GNAS: variants seen among roughly 807,000 people sequenced by gnomAD.
The protein encoded by GNAS is protein ALEX.
A neutral mutation model predicts 54.5 loss-of-function variants in GNAS; 8 were observed. The observed-to-expected ratio is 0.15, with a 90% confidence interval of 0.09 to 0.26. The LOEUF (loss-of-function observed/expected upper bound fraction) is 0.26, where lower values mean the gene tolerates loss of function less well. Ranked by LOEUF, GNAS falls within the 10% of genes least tolerant of loss-of-function variation. GNAS has a pLI of 1.00. For synonymous variants in GNAS, 204 were observed against 191.4 expected (o/e 1.07, Z -0.54); for missense variants, 170 against 529.8 (o/e 0.32, Z 6.67).
At chr20:58,852,989 C>A in intron 1 of GNAS, 2 of 1,249,038 alleles carry the variant, frequency 1.6e-6, no homozygotes, top group Non-Finnish European at 2.0e-6. Flanking sequence ...TAAGGATAGA[C>A]CAAGGAAGAG....
At chr20:58,899,990 C>T in intron 3 of GNAS, 2 of 717,234 alleles carry the variant, frequency 2.8e-6, no homozygotes, top group Non-Finnish European at 5.2e-6. Flanking sequence ...TCTCATCTTC[C>T]CGGCTATGTC....
At chr20:58,865,360 G>A (rs1333402857) in intron 1 of GNAS, among the ~76,000 whole-genome samples, 1 of 151,126 alleles carries the variant, frequency 6.6e-6, no homozygotes, top group Non-Finnish European at 1.5e-5. Context: ...AGAGGTTGCA[G>A]TGAGCCAAGA....
At chr20:58,898,078 T>G (rs910956688) in intron 2 of GNAS, 3 of 152,270 alleles carry the variant, frequency 2.0e-5, no homozygotes, top group Admixed American at 6.5e-5. Context: ...GCGGATTTTC[T>G]AACTCAAAAC....
At chr20:58,889,000 G>T, upstream of GNAS, 1 of 936,858 alleles carries the variant, frequency 1.1e-6, no homozygotes, top group Non-Finnish European at 1.3e-6. Context: ...CGCCCGCGCG[G>T]TCCCGGCACC....
intron 1 of GNAS, among the ~76,000 whole-genome samples, chr20:58,893,938 C>T (rs1322862235): frequency 6.6e-6 from 1 of 152,204 alleles, no homozygotes; most frequent in Non-Finnish European, 1.5e-5. Context: ...TCTAAGTGTC[C>T]TAGTCTATAT....
At chr20:58,878,545 T>C (rs1013577808) in intron 1 of GNAS, among the ~76,000 whole-genome samples, 1 of 152,108 alleles carries the variant, frequency 6.6e-6, no homozygotes, top group African/African-American at 2.4e-5. Context: ...GGTCTTGAAA[T>C]TGTGAGGCAG....
chr20:58,893,350 G>T (rs1601004761), intron 1 of GNAS, among the ~76,000 whole-genome samples: 1 of 151,970 alleles, frequency 6.6e-6, no homozygotes, highest in Admixed American at 6.6e-5. Flanking sequence ...GTAATGAAAT[G>T]ACCAAAAGAA....
chr20:58,849,124 TG>T (rs2086053062), intron 1 of GNAS, among the ~76,000 whole-genome samples: 1 of 152,158 alleles, frequency 6.6e-6, no homozygotes, highest in Admixed American at 6.6e-5. Flanking sequence ...CATTTTTGGT[TG>T]TTAAAACTAA....
chr20:58,899,472 C>G (rs766303836), intron 3 of GNAS: 3 of 539,590 alleles, frequency 5.6e-6, no homozygotes, highest in South Asian at 4.2e-5. Context: ...TGGTACCTTG[C>G]AGCAGGTCGT....
At chr20:58,843,084 C>T (rs2085800038) in intron 1 of GNAS, among the ~76,000 whole-genome samples, 1 of 152,142 alleles carries the variant, frequency 6.6e-6, no homozygotes, top group Admixed American at 6.5e-5. Context: ...AATCTAGGAA[C>T]ACACACTGTC....
At chr20:58,840,064 A>G (rs1332548279), upstream of GNAS, 1 of 1,603,314 alleles carries the variant, frequency 6.2e-7, no homozygotes, top group Non-Finnish European at 8.5e-7. This position sits in a 1 kb window ranked among gnomAD's most constrained non-coding sequence, Gnocchi z 6.0. Context: ...CACTCTCTGC[A>G]GAGCCAGAGG....
At chr20:58,903,901 CT>C in intron 5 of GNAS, 110 bp downstream of exon 5, 2 of 1,120,174 alleles carry the variant, frequency 1.8e-6, no homozygotes, top group Non-Finnish European at 2.7e-6. Flanking sequence ...CCAAACCACA[CT>C]TCAGGCAAAA....
intron 1 of GNAS, among the ~76,000 whole-genome samples, chr20:58,862,115 T>C (rs149798199): frequency 9.1e-4 from 139 of 152,280 alleles, no homozygotes; most frequent in African/African-American, 3.2e-3. Context: ...GCTTGGCACA[T>C]ATAAGTACCC....
At chr20:58,850,764 C>A in intron 1 of GNAS, 1 of 398,860 alleles carries the variant, frequency 2.5e-6, no homozygotes, top group Non-Finnish European at 4.4e-6. Flanking sequence ...GGCTCGGCAA[C>A]CTGTGGCATG....
chr20:58,854,908 C>T (rs767898826), intron 1 of GNAS: 5 of 1,596,658 alleles, frequency 3.1e-6, no homozygotes, highest in Non-Finnish European at 4.3e-6. Flanking sequence ...CCTACTCGCG[C>T]GTCTGCCTGG....
At chr20:58,877,864 A>AGAG (rs1402575847) in intron 1 of GNAS, among the ~76,000 whole-genome samples, 1 of 152,140 alleles carries the variant, frequency 6.6e-6, no homozygotes, top group Non-Finnish European at 1.5e-5. Context: ...CTGGGCTGCT[A>AGAG]GTGTTTAGAA....
At chr20:58,843,803 A>G (rs1434478437) in intron 1 of GNAS, among the ~76,000 whole-genome samples, 1 of 152,176 alleles carries the variant, frequency 6.6e-6, no homozygotes, top group East Asian at 1.9e-4. Context: ...TTGTAACTGA[A>G]CTTATCTGAG....
chr20:58,840,342 C>A (rs1600654673), upstream of GNAS: 2 of 1,613,128 alleles, frequency 1.2e-6, no homozygotes, highest in South Asian at 1.1e-5. The surrounding 1 kb of genome is among the most constrained non-coding windows in gnomAD (Gnocchi z 6.0). Flanking sequence ...TTCCCTGAGT[C>A]CCCCGAATCG....
upstream of GNAS, chr20:58,840,171 C>T (rs1213709878): frequency 1.4e-5 from 22 of 1,611,542 alleles, no homozygotes; most frequent in African/African-American, 5.3e-5. This position sits in a 1 kb window ranked among gnomAD's most constrained non-coding sequence, Gnocchi z 6.0. Context: ...GACCTGTGCC[C>T]GCCCATAGGC....
Sources: allele counts gnomAD v4.1 joint callset (sites outside exome capture counted in the v4.1 genomes callset), GRCh38; gene constraint gnomAD v4.1.1; non-coding constraint Gnocchi (gnomAD v3.1); transcripts MANE v1.5; gene names NCBI Gene and HGNC (gene_info 2026-07-23, HGNC 2026-07-21).